Variants in DOP1B observed in about 807,000 individuals in gnomAD.
The protein encoded by DOP1B is protein DOP1B.
DOP1B carries 174 observed loss-of-function variants against 233.5 expected under a neutral mutation model. That is an observed-to-expected ratio of 0.75 (90% confidence interval 0.66 to 0.85). The LOEUF (loss-of-function observed/expected upper bound fraction) is 0.85. Among genes scored for constraint, DOP1B ranks in the 40% least tolerant of loss-of-function variants. The pLI, the probability that DOP1B is intolerant of heterozygous loss-of-function variation, is 0.00. For synonymous variants in DOP1B, 1,190 were observed against 1,185.6 expected (o/e 1.00, Z -0.08); for missense variants, 2,652 against 2,846.6 (o/e 0.93, Z 1.56).
chr21:36,211,960 T>C lies in DOP1B; in HGVS notation c.781-14T>C. The C allele has an allele frequency of 1.2e-6, 2 of 1,613,806 alleles. No individual in the cohort carries two copies. The highest frequency in any genetic ancestry group is 1.7e-6 in the Non-Finnish European group (2 of 1,179,896). On this transcript the variant is annotated splice_polypyrimidine_tract_variant and intron_variant, in intron 6 of 36. Transcript: ENST00000691173. ...ATCATTCCCTTGCAGTAAATTTCTC[T>C]GTCCTTCTAATAGGATTCCAATGAG...
At chr21:36,227,548 A>G (rs2066707257) in intron 12 of DOP1B, 138 bp from the exon 13 acceptor site, 2 of 848,044 alleles carry the variant, frequency 2.4e-6, no homozygotes, top group East Asian at 5.7e-5. Flanking sequence ...CTCTGTCAAA[A>G]AAAAAGAAAG....
chr21:36,288,183 G>C, intron 33 of DOP1B, 33 bp downstream of exon 33: 1 of 1,581,648 alleles, frequency 6.3e-7, no homozygotes, highest in African/African-American at 1.4e-5. Context: ...TGAAAGCAAG[G>C]TTGGAGCTTT....
intron 27 of DOP1B, among the ~76,000 whole-genome samples, chr21:36,271,657 C>T (rs950727407): frequency 8.6e-5 from 13 of 151,994 alleles, no homozygotes; most frequent in Admixed American, 4.6e-4. Context: ...TGCTAAACAC[C>T]GGGACCCCTT....
Position 36,245,448 on chromosome 21 carries a change from C to T in DOP1B, c.3468C>T (p.Pro1156=), listed in dbSNP as rs754703169. Residue 1156 remains proline (P), a synonymous_variant, in exon 19 of 37, where the codon CCC becomes CCT. Coordinates refer to ENST00000691173, the MANE Select transcript of DOP1B (RefSeq NM_001320714.2). The surrounding 1 kb of genome is among the most constrained non-coding windows in gnomAD (Gnocchi z 5.5). Reference sequence around the variant, plus strand: ...TCCCCATGGGGGGCAGGGCGTACCCCAAGCGCTCGGCCCTGCTGGCGGCCT... The same window carrying T: ...TCCCCATGGGGGGCAGGGCGTACCCTAAGCGCTCGGCCCTGCTGGCGGCCT... ...APIPMGGRAY[P]KRSALLAAFQ... 1.9e-6 allele frequency: 3 copies of T among 1,613,988 alleles called. No individual in the cohort carries two copies. The highest frequency in any genetic ancestry group is 2.2e-5 in the East Asian group (1 of 44,890).
chr21:36,165,250 A>T (rs1456248432), intron 2 of DOP1B, among the ~76,000 whole-genome samples: 3 of 152,204 alleles, frequency 2.0e-5, no homozygotes, highest in Non-Finnish European at 4.4e-5. Context: ...TGGTCAAATT[A>T]GGTATTCAAA....
In DOP1B at chr21:36,219,419, T is replaced by C; in HGVS notation, c.1177T>C (p.Tyr393His). 1.2e-6 allele frequency: 2 copies of C among 1,614,236 alleles called. No individual in the cohort carries two copies. Among genetic ancestry groups the C allele is most frequent in the Admixed American group, 1.7e-5 (1 of 60,022 alleles). Residue 393 changes from tyrosine to histidine, a missense_variant, in exon 10 of 37, where the codon TAT (tyrosine) becomes CAT (histidine). This residue lies in a region of DOP1B where 2,617 missense variants were observed against 2,794.3 expected (regional missense o/e 0.94). Coordinates refer to ENST00000691173, the MANE Select transcript of DOP1B (RefSeq NM_001320714.2). ...NLFLEVIRAF[Y>H]SYCRDALGSD... is the part of the protein sequence containing the mutation. ...GTTTCTCGAAGTCATCAGGGCCTTT[T>C]ATTCTTACTGCAGAGATGCCCTTGG...
intron 20 of DOP1B, 67 bp downstream of exon 20, chr21:36,247,695 G>C: frequency 8.4e-7 from 1 of 1,190,436 alleles, no homozygotes; most frequent in Non-Finnish European, 1.2e-6. Flanking sequence ...GGCTATGACT[G>C]TTTCAAATAA....
At chr21:36,237,200 A>T (rs2066837368) in intron 15 of DOP1B, 62 bp from the exon 16 acceptor site, 2 of 1,605,318 alleles carry the variant, frequency 1.2e-6, no homozygotes. Flanking sequence ...CTGAGTGAGG[A>T]TGTGAGCGGA....
Position 36,230,662 on chromosome 21 carries a change from G to T in DOP1B, c.1878G>T (p.Thr626=). ...VWKKGGSMQR[T]FLCIQELIAN... ...AGAAGGGCGGGAGCATGCAGAGGACGTTTCTTTGCATCCAAGAGCTAATCG... is the reference window on the plus strand; with the variant it reads ...AGAAGGGCGGGAGCATGCAGAGGACTTTTCTTTGCATCCAAGAGCTAATCG... The change falls in exon 14 of 37, where the codon ACG becomes ACT. Residue 626 remains threonine, a synonymous_variant. Coordinates refer to ENST00000691173, the MANE Select transcript of DOP1B (RefSeq NM_001320714.2). The T allele has an allele frequency of 6.2e-7, 1 of 1,614,192 alleles. No homozygotes were observed. The highest frequency in any genetic ancestry group is 1.1e-5 in the South Asian group (1 of 91,088).
chr21:36,229,727 TTTTG>T (rs2066737004), intron 13 of DOP1B, among the ~76,000 whole-genome samples: 1 of 150,514 alleles, frequency 6.6e-6, no homozygotes, highest in East Asian at 2.0e-4. Flanking sequence ...AGTGGCATGA[TTTTG>T]GCTCACTGCA....
chr21:36,215,530 C>CA lies in DOP1B; in HGVS notation c.1129+975dup, dbSNP rs2066549597. On this transcript the variant is annotated intron_variant, in intron 9 of 36. Coordinates refer to ENST00000691173, the MANE Select transcript of DOP1B (RefSeq NM_001320714.2). ...ATTAATTCTCCTGCCTCAGCTTCCCCAGTAGCTGGGATTACAGGCATGTGC... is the reference window on the plus strand; with the variant it reads ...ATTAATTCTCCTGCCTCAGCTTCCCCAAGTAGCTGGGATTACAGGCATGTGC... 2.0e-5 allele frequency among the ~76,000 whole-genome samples: 3 copies of CA among 151,944 alleles called. No homozygotes were observed. The South Asian group carries it at 6.2e-4, about 32-fold the overall frequency.
chr21:36,260,778 C>G (rs761009826), intron 24 of DOP1B, 46 bp downstream of exon 24: 1 of 1,608,786 alleles, frequency 6.2e-7, no homozygotes, highest in East Asian at 2.2e-5. Context: ...AATACAGATG[C>G]TATTGCAGTG....
At chr21:36,193,914 G>C (rs1370082765) in intron 2 of DOP1B, among the ~76,000 whole-genome samples, 6 of 152,138 alleles carry the variant, frequency 3.9e-5, no homozygotes, top group Admixed American at 2.0e-4. Flanking sequence ...CATGTGTGTG[G>C]ATTACTTACT....
Position 36,293,470 on chromosome 21 carries a change from G to A in DOP1B, c.6796G>A (p.Gly2266Arg). 1 of 1,614,146 alleles carries A rather than the reference G, an allele frequency of 6.2e-7. No individual in the cohort carries two copies. The highest frequency in any genetic ancestry group is 1.3e-5 in the African/African-American group (1 of 75,032). ...GAGACAGCTGCCTGCTGATAGCCCA[G>A]GAACTCCATTCTTGGACTTTCCTGT... ...TQRQLPADSP[G>R]TPFLDFPVTD... The change falls in exon 37 of 37, where the codon GGA (glycine) becomes AGA (arginine). Residue 2266 changes from glycine to arginine, a missense_variant. By Grantham distance (125) the Gly-to-Arg change is moderately radical. Transcript: ENST00000691173.
chr21:36,237,951 T>G (rs1039283091), intron 16 of DOP1B, among the ~76,000 whole-genome samples: 2 of 152,170 alleles, frequency 1.3e-5, no homozygotes, highest in Admixed American at 1.3e-4. Context: ...GCGGATCACC[T>G]GAGGTCAGGA....
chr21:36,161,492 C>T (rs1431361693), intron 1 of DOP1B, among the ~76,000 whole-genome samples: 2 of 152,052 alleles, frequency 1.3e-5, no homozygotes, highest in African/African-American at 2.4e-5. Flanking sequence ...TCATAAAATT[C>T]ATTCAAGTGT....
intron 1 of DOP1B, among the ~76,000 whole-genome samples, chr21:36,161,138 T>TG (rs200867548): frequency 0.031 from 4,716 of 151,506 alleles, 110 homozygotes; most frequent in East Asian, 0.12. Context: ...TTGTTTTTTT[T>TG]TGTGTGTGTG....
chr21:36,276,957 T>G, intron 27 of DOP1B, 64 bp from the exon 28 acceptor site: 1 of 1,544,878 alleles, frequency 6.5e-7, no homozygotes, highest in Non-Finnish European at 8.9e-7. Context: ...GCAGGGCTTT[T>G]GGGGACAGTA....
chr21:36,166,818 A>G (rs1841002110), intron 2 of DOP1B, among the ~76,000 whole-genome samples: 1 of 152,188 alleles, frequency 6.6e-6, no homozygotes, highest in African/African-American at 2.4e-5. Context: ...ACAGATGGCT[A>G]TCAGGCACGC....
Sources: gnomAD v4.1 joint callset for allele counts (sites outside exome capture counted in the v4.1 genomes callset) on GRCh38, gnomAD v4.1.1 for gene constraint, gnomAD v4.1.1 regional missense constraint, Gnocchi (gnomAD v3.1) non-coding constraint, MANE v1.5 for transcripts, NCBI Gene and HGNC (gene_info 2026-07-23, HGNC 2026-07-21) for gene names.